The following KCNH1 variants were observed in gnomAD, a reference collection of about 807,000 sequenced individuals.
KCNH1 encodes the protein voltage-gated delayed rectifier potassium channel KCNH1.
Under a neutral mutation model 69.2 loss-of-function variants are expected in KCNH1, and 27 were observed. The ratio of observed to expected loss-of-function variants is 0.39; its 90% CI spans 0.29 to 0.54. The LOEUF (loss-of-function observed/expected upper bound fraction) is 0.54. KCNH1 is among the 20% of genes least tolerant of loss of function. The pLI, the probability that KCNH1 is intolerant of heterozygous loss-of-function variation, is 0.68. For synonymous variants in KCNH1, 456 were observed against 487.7 expected, an observed-to-expected ratio of 0.93 and a Z score of 0.86; for missense variants, 798 against 1,261.6, an observed-to-expected ratio of 0.63 and a Z score of 5.57.
At position 210,919,405 on chromosome 1, in the gene KCNH1, A is replaced by G. The variant is rs1687414103; in HGVS notation, c.1462+235T>C. The G allele has an allele frequency of 7.7e-6, 4 of 517,364 alleles. No homozygotes were observed. The highest frequency in any genetic ancestry group is 5.7e-5 in the African/African-American group (3 of 52,732). The allele number at this position is 517,364 out of a possible 1,614,324, so 32.0% of individuals were successfully genotyped here. A position where few individuals can be genotyped will look rare whatever the true frequency, so the allele number is the denominator to read the frequency against. On this transcript the variant is annotated intron_variant, in intron 7 of 10. Coordinates refer to ENST00000271751, the MANE Select transcript of KCNH1 (RefSeq NM_172362.3). The surrounding 1 kb of genome is among the most constrained non-coding windows in gnomAD (Gnocchi z 4.2). Reference sequence around the variant, plus strand: ...AACAGTATTAGTAGTTATCTCTGAAAAGCAGAATTATGGATAGTCTTTACT... The same window carrying G: ...AACAGTATTAGTAGTTATCTCTGAAGAGCAGAATTATGGATAGTCTTTACT...
intron 7 of KCNH1, among the ~76,000 whole-genome samples, chr1:210,851,957 T>C (rs77100345): frequency 1.6e-4 from 25 of 152,382 alleles, no homozygotes; most frequent in Non-Finnish European, 2.8e-4. Flanking sequence ...AAGGATATTC[T>C]GGTGAGCAAA....
At position 210,849,342 on chromosome 1, in the gene KCNH1, C is replaced by T. The variant is rs145021692; in HGVS notation, c.1463-45176G>A. Reference sequence around the variant, plus strand: ...GTTTTAAGCCATGAGCCTTTTTTTGCGTGTGTGTGCTTTTCTTTCTTTCTT... The same window carrying T: ...GTTTTAAGCCATGAGCCTTTTTTTGTGTGTGTGTGCTTTTCTTTCTTTCTT... On this transcript the variant is annotated intron_variant, in intron 7 of 10. Coordinates refer to ENST00000271751, the MANE Select transcript of KCNH1 (RefSeq NM_172362.3). Among the ~76,000 whole-genome samples, 4 of 146,528 alleles carry T rather than the reference C, an allele frequency of 2.7e-5. No individual in the cohort carries two copies. The East Asian group carries it at 7.9e-4, about 29-fold the overall frequency.
chr1:210,910,856 C>T lies in KCNH1; in HGVS notation c.1462+8784G>A, dbSNP rs1442891818. Among the ~76,000 whole-genome samples the T allele has an allele frequency of 2.6e-5, 4 of 152,178 alleles. No homozygotes were observed. In the South Asian group the frequency reaches 6.2e-4, roughly 24 times the overall value. ...CCTATCATTGTAAGTGATGCAAATC[C>T]TAACCATTATTCACTGGTCAAGTAA... On this transcript the variant is annotated intron_variant, in intron 7 of 10. Transcript: ENST00000271751.
chr1:210,704,374 C>T (rs1040875851), intron 10 of KCNH1, among the ~76,000 whole-genome samples: 4 of 152,156 alleles, frequency 2.6e-5, no homozygotes, highest in Non-Finnish European at 5.9e-5. Context: ...ACTCCTATGT[C>T]AACTCCTTTG....
At chr1:211,131,490 C>T (rs1691875277) in intron 1 of KCNH1, among the ~76,000 whole-genome samples, 1 of 152,138 alleles carries the variant, frequency 6.6e-6, no homozygotes, top group African/African-American at 2.4e-5. Flanking sequence ...TAATACTGCA[C>T]AGGACCACTG....
intron 1 of KCNH1, among the ~76,000 whole-genome samples, chr1:211,116,480 A>G (rs1691584896): frequency 6.6e-6 from 1 of 152,198 alleles, no homozygotes; most frequent in African/African-American, 2.4e-5. Flanking sequence ...TGCAGGCAAT[A>G]CTTACCTTTC....
chr1:210,907,999 G>A (rs918819239), intron 7 of KCNH1, among the ~76,000 whole-genome samples: 6 of 152,236 alleles, frequency 3.9e-5, no homozygotes, highest in Non-Finnish European at 8.8e-5. Context: ...AAAGGAAAAT[G>A]AGGAGACGCA....
intron 5 of KCNH1, among the ~76,000 whole-genome samples, chr1:211,060,375 T>C (rs1347548510): frequency 1.8e-5 from 2 of 108,530 alleles, no homozygotes; most frequent in Non-Finnish European, 1.7e-5. Flanking sequence ...CACTCCAGCC[T>C]GGGCGACAGA....
At chr1:211,056,253 C>G (rs541857867) in intron 5 of KCNH1, among the ~76,000 whole-genome samples, 1 of 151,492 alleles carries the variant, frequency 6.6e-6, no homozygotes, top group South Asian at 2.1e-4. Context: ...GAGTGAACAT[C>G]GGCAGTAGCC....
At chr1:210,997,888 C>T (rs560836626) in intron 6 of KCNH1, among the ~76,000 whole-genome samples, 1 of 152,224 alleles carries the variant, frequency 6.6e-6, no homozygotes, top group Admixed American at 6.5e-5. Flanking sequence ...ATTTTCAGCG[C>T]AGAATTTCAT....
rs561538002 is a variant in KCNH1 at position 210,753,985 on chromosome 1, G to A, written c.2112+21363C>T. Among the ~76,000 whole-genome samples the A allele has an allele frequency of 1.2e-3, 182 of 151,426 alleles. 2 individuals carry two copies. Among genetic ancestry groups the A allele is most frequent in the Admixed American group, 5.9e-4 (9 of 15,234 alleles). On this transcript the variant is annotated intron_variant, in intron 10 of 10. Transcript: ENST00000271751. ...GCTGGACTGCAGCGGCGCTATCTTG[G>A]CTCACTGCAAGCCCCGCCTCCTGGG...
intron 3 of KCNH1, among the ~76,000 whole-genome samples, chr1:211,091,333 C>T (rs1278227435): frequency 1.3e-5 from 2 of 152,086 alleles, no homozygotes; most frequent in Non-Finnish European, 2.9e-5. Flanking sequence ...TAGGTACCCA[C>T]CACCATGCCC....
At chr1:210,769,502 AC>A (rs1164756739) in intron 10 of KCNH1, among the ~76,000 whole-genome samples, 3 of 152,184 alleles carry the variant, frequency 2.0e-5, no homozygotes, top group Non-Finnish European at 2.9e-5. Context: ...CTTTAATCAA[AC>A]AAAAAAAATT....
intron 4 of KCNH1, among the ~76,000 whole-genome samples, chr1:211,090,228 A>T (rs1254459673): frequency 6.6e-6 from 1 of 152,234 alleles, no homozygotes; most frequent in Non-Finnish European, 1.5e-5. Context: ...AGACCACCTC[A>T]TTGGTATGAC....
At chr1:210,741,430 C>G (rs1490431642) in intron 10 of KCNH1, among the ~76,000 whole-genome samples, 1 of 152,086 alleles carries the variant, frequency 6.6e-6, no homozygotes, top group Non-Finnish European at 1.5e-5. Flanking sequence ...CTCAGTCCTT[C>G]TGCTTATATG....
At chr1:210,899,510 T>C (rs921623866) in intron 7 of KCNH1, among the ~76,000 whole-genome samples, 3 of 152,050 alleles carry the variant, frequency 2.0e-5, no homozygotes, top group Non-Finnish European at 4.4e-5. Flanking sequence ...TATATATTTT[T>C]ATCATTATCT....
Position 210,683,354 on chromosome 1 carries a change from G to C in KCNH1, c.2897C>G (p.Ser966Cys). The change falls in exon 11 of 11, where the codon TCT becomes TGT. Residue 966 changes from serine (S) to cysteine (C), a missense_variant. Ser to Cys is a moderately radical substitution (Grantham distance 112). Around this residue, in one of 4 missense-constraint regions of KCNH1, gnomAD observed 331 missense variants for 363.2 expected, o/e 0.91. Coordinates refer to ENST00000271751, the MANE Select transcript of KCNH1 (RefSeq NM_172362.3). This position sits in a 1 kb window ranked among gnomAD's most constrained non-coding sequence, Gnocchi z 5.7. ...CGATATTTCAAACAACTCCTGAGGA[G>C]ACTGAGAGGATCTTCTGGAAGTTAA... ...RILTSRRSSQ[S>C]PQELFEISRP... The C allele has an allele frequency of 6.2e-7, 1 of 1,614,054 alleles. No individual in the cohort carries two copies. The highest frequency in any genetic ancestry group is 8.5e-7 in the Non-Finnish European group (1 of 1,179,942).
chr1:210,716,255 A>C (rs1484022594), intron 10 of KCNH1, among the ~76,000 whole-genome samples: 1 of 151,874 alleles, frequency 6.6e-6, no homozygotes, highest in Non-Finnish European at 1.5e-5. Context: ...AACACGGTGA[A>C]ACCCCATCTC....
chr1:210,994,657 G>A (rs190317021), intron 6 of KCNH1, among the ~76,000 whole-genome samples: 13 of 152,226 alleles, frequency 8.5e-5, no homozygotes, highest in Admixed American at 2.6e-4. Flanking sequence ...AATTGTAATC[G>A]TTTAGAAAAT....
Sources: gnomAD v4.1 joint callset for allele counts (sites outside exome capture counted in the v4.1 genomes callset) on GRCh38, gnomAD v4.1.1 for gene constraint, gnomAD v4.1.1 regional missense constraint, Gnocchi (gnomAD v3.1) non-coding constraint, MANE v1.5 for transcripts, NCBI Gene and HGNC (gene_info 2026-07-23, HGNC 2026-07-21) for gene names.